The following VIT variants were observed in gnomAD, a reference collection of about 807,000 sequenced individuals.
VIT encodes vitrin.
Under a neutral mutation model 78.0 loss-of-function variants are expected in VIT, and 99 were observed. The observed-to-expected ratio is 1.27, with a 90% CI of 1.08 to 1.50. VIT has a LOEUF of 1.50. Among genes scored for constraint, VIT ranks in the 40% most tolerant of loss-of-function variants. The probability of loss-of-function intolerance (pLI) is 0.00; values close to 1 mark genes in which losing one functional copy is unlikely to be tolerated. For missense variants in VIT, 1,126 were observed against 875.3 expected (o/e 1.29, Z -3.61); for synonymous variants, 374 against 334.3 (o/e 1.12, Z -1.29).
rs193222354 is a variant in VIT, at chr2:36,775,153, G to A, written c.802+86G>A. The stretch of plus-strand genomic sequence containing the variant: ...AACATGAGGACCTCCCCACACACTT[G>A]TTCTTGGCCTCTGCAGCTCAACTTC... On this transcript the variant is annotated intron_variant, in intron 9 of 15. Coordinates refer to ENST00000379242, the MANE Select transcript of VIT (RefSeq NM_053276.4). 16 of 1,491,462 alleles carry A rather than the reference G, an allele frequency of 1.1e-5. No homozygotes were observed. The South Asian group carries it at 1.7e-4, about 16-fold the overall frequency. 92.4% of individuals were successfully genotyped at this position (1,491,462 alleles called of 1,614,324 possible). A position where few individuals can be genotyped will look rare whatever the true frequency, so the allele number is the denominator to read the frequency against.
At position 36,703,350 on chromosome 2, in the gene VIT, C is replaced by A. The variant is rs546519051; in HGVS notation, c.-19+6377C>A. Among the ~76,000 whole-genome samples, 3 of 152,112 alleles carry A rather than the reference C, an allele frequency of 2.0e-5. No individual in the cohort carries two copies. The South Asian group carries it at 6.2e-4, about 32-fold the overall frequency. ...AGCAGGTGGCTCCCCTACCCCCACC[C>A]CCCTACACCCAGCCCACTTCAGGCA... On this transcript the variant is annotated intron_variant, in intron 1 of 15. Coordinates refer to ENST00000379242, the MANE Select transcript of VIT (RefSeq NM_053276.4).
chr2:36,788,984 T>C (rs1342303060), intron 12 of VIT, among the ~76,000 whole-genome samples: 1 of 152,190 alleles, frequency 6.6e-6, no homozygotes, highest in African/African-American at 2.4e-5. Context: ...CCCAATGTGA[T>C]CGCCATTCAC....
chr2:36,720,700 A>G (rs765366452), intron 2 of VIT, among the ~76,000 whole-genome samples: 2 of 152,162 alleles, frequency 1.3e-5, no homozygotes, highest in African/African-American at 2.4e-5. Context: ...AAATAGGGAG[A>G]TGCTGGTCAA....
In VIT at chr2:36,805,682, G is replaced by C. The variant is rs771023336; in HGVS notation, c.1389+18G>C. The C allele has an allele frequency of 1.9e-6, 3 of 1,602,550 alleles. No individual in the cohort carries two copies. Among genetic ancestry groups the C allele is most frequent in the Non-Finnish European group, 2.6e-6 (3 of 1,172,668 alleles). On this transcript the variant is annotated intron_variant, in intron 14 of 15. Transcript: ENST00000379242. ...CAAACAAGGTAGATGACTGCCCGGAGACCTACCCAACATCAGGATTTTCTG... is the reference window on the plus strand; with the variant it reads ...CAAACAAGGTAGATGACTGCCCGGACACCTACCCAACATCAGGATTTTCTG...
intron 11 of VIT, among the ~76,000 whole-genome samples, chr2:36,784,672 T>A (rs1170985637): frequency 2.0e-5 from 3 of 152,266 alleles, no homozygotes; most frequent in African/African-American, 7.2e-5. Context: ...AATACATTGA[T>A]AGAGTGATTC....
intron 1 of VIT, 65 bp from the exon 2 acceptor site, chr2:36,716,288 C>A: frequency 7.3e-7 from 1 of 1,366,700 alleles, no homozygotes; most frequent in Non-Finnish European, 1.0e-6. Context: ...TCCCCACACA[C>A]TCTGTGCATC....
At chr2:36,807,576 T>C (rs1368010802) in intron 14 of VIT, among the ~76,000 whole-genome samples, 7 of 152,236 alleles carry the variant, frequency 4.6e-5, no homozygotes, top group Non-Finnish European at 1.0e-4. Context: ...CATCTCTTGT[T>C]CTAAAATAAT....
chr2:36,723,028 A>G (rs1338195580), intron 2 of VIT, among the ~76,000 whole-genome samples: 5 of 151,296 alleles, frequency 3.3e-5, no homozygotes, highest in African/African-American at 1.2e-4. Context: ...TAAAAGGGGA[A>G]AATACAGAAA....
intron 3 of VIT, among the ~76,000 whole-genome samples, chr2:36,734,626 T>A (rs1477977910): frequency 3.9e-5 from 6 of 152,220 alleles, no homozygotes; most frequent in African/African-American, 1.4e-4. Context: ...TTCCTTGGAC[T>A]TGGCTTGAAA....
At chr2:36,803,557 G>C (rs1240534381) in intron 13 of VIT, among the ~76,000 whole-genome samples, 9 of 152,054 alleles carry the variant, frequency 5.9e-5, no homozygotes, top group Admixed American at 4.6e-4. Flanking sequence ...TTGTGCTTTG[G>C]GAAAAATTGT....
chr2:36,812,957 G>T (rs1185969410), intron 15 of VIT, among the ~76,000 whole-genome samples: 1 of 143,700 alleles, frequency 7.0e-6, no homozygotes. Flanking sequence ...TGCCTCTGAG[G>T]TTCAAGTGAT....
chr2:36,733,359 T>A (rs1667322182), intron 3 of VIT, among the ~76,000 whole-genome samples: 1 of 152,084 alleles, frequency 6.6e-6, no homozygotes, highest in African/African-American at 2.4e-5. Flanking sequence ...CCTCTCTCTC[T>A]CTCCAGACCA....
chr2:36,791,141 T>C (rs960710799), intron 12 of VIT, among the ~76,000 whole-genome samples: 2 of 152,264 alleles, frequency 1.3e-5, no homozygotes, highest in East Asian at 1.9e-4. Flanking sequence ...TGGTTTTTTC[T>C]TCATTTGAAA....
chr2:36,771,019 C>T (rs576576824), intron 7 of VIT, among the ~76,000 whole-genome samples: 1 of 152,372 alleles, frequency 6.6e-6, no homozygotes, highest in African/African-American at 2.4e-5. Flanking sequence ...CATCTTATCA[C>T]AGCTCATTCC....
intron 1 of VIT, among the ~76,000 whole-genome samples, chr2:36,697,197 T>C (rs921197098): frequency 6.6e-6 from 1 of 152,222 alleles, no homozygotes; most frequent in African/African-American, 2.4e-5. Context: ...GATATTAATA[T>C]TATAACAAGA....
At position 36,805,440 on chromosome 2, in the gene VIT, CG is replaced by C. The variant is rs1666643418; in HGVS notation, c.1168del (p.Ala390ProfsTer5). ...TQRGGLSNVGRAISFVTKNFF... is the reference protein window; with the variant it reads ...TQRGGLSNVGXAISFVTKNFF... ...CATGAATTTTCTTTTTCTTCCAGGT[CG>C]GGCCATCTCCTTTGTGACCAAGAAC... On this transcript the variant is annotated frameshift_variant, in exon 14 of 16. Transcript: ENST00000379242. LOFTEE classifies it high-confidence loss of function. 1.9e-6 allele frequency: 3 copies of C among 1,601,522 alleles called. No individual in the cohort carries two copies. The South Asian group carries it at 3.4e-5, about 18-fold the overall frequency.
At chr2:36,725,276 C>G (rs1373414834) in intron 2 of VIT, among the ~76,000 whole-genome samples, 1 of 152,144 alleles carries the variant, frequency 6.6e-6, no homozygotes, top group Non-Finnish European at 1.5e-5. Context: ...TTCATGCAGT[C>G]TGCTATACAA....
intron 14 of VIT, among the ~76,000 whole-genome samples, chr2:36,808,242 C>G (rs1018879633): frequency 6.6e-6 from 1 of 152,182 alleles, no homozygotes; most frequent in Non-Finnish European, 1.5e-5. Flanking sequence ...TTTCCACTAA[C>G]GCAGGCAGGG....
chr2:36,700,257 T>C (rs1573094902), intron 1 of VIT, among the ~76,000 whole-genome samples: 1 of 152,300 alleles, frequency 6.6e-6, no homozygotes, highest in African/African-American at 2.4e-5. Context: ...GTGATGGTCG[T>C]AATCTGAGAA....
Sources: allele counts gnomAD v4.1 joint callset (sites outside exome capture counted in the v4.1 genomes callset), GRCh38; gene constraint gnomAD v4.1.1; transcripts MANE v1.5; gene names NCBI Gene and HGNC (gene_info 2026-07-23, HGNC 2026-07-21).